Variants in ZC3H7A observed in about 807,000 individuals in gnomAD.
ZC3H7A encodes zinc finger CCCH-type containing 7A.
ZC3H7A carries 44 observed loss-of-function variants against 125.5 expected under a neutral mutation model. That is an observed-to-expected ratio of 0.35 (90% confidence interval 0.28 to 0.45). The LOEUF (loss-of-function observed/expected upper bound fraction) is 0.45, where lower values mean the gene tolerates loss of function less well. Ranked by LOEUF, ZC3H7A falls within the 20% of genes least tolerant of loss-of-function variation. The pLI is 1.00. For missense variants in ZC3H7A, 977 were observed against 1,170.7 expected, an observed-to-expected ratio of 0.83 and a Z score of 2.41; for synonymous variants, 399 against 391.2, an observed-to-expected ratio of 1.02 and a Z score of -0.23.
At chr16:11,796,789 C>A (rs1426693016) in intron 1 of ZC3H7A, 1 of 152,032 alleles carries the variant, frequency 6.6e-6, no homozygotes, top group African/African-American at 2.4e-5. Context: ...ATCACCAGAG[C>A]AGACAGAAAT....
chr16:11,780,918 C>T (rs778335698), intron 3 of ZC3H7A, among the ~76,000 whole-genome samples: 47 of 152,080 alleles, frequency 3.1e-4, no homozygotes, highest in Non-Finnish European at 6.0e-4. Flanking sequence ...GCTGTCAGAA[C>T]ATCTCCTAAC....
chr16:11,753,179 T>A (rs2052580126), intron 21 of ZC3H7A: 1 of 221,562 alleles, frequency 4.5e-6, no homozygotes. Flanking sequence ...GACCAGGACA[T>A]GCCAACTCCA....
chr16:11,769,094 A>T lies in ZC3H7A; in HGVS notation c.1110T>A (p.Asp370Glu). The T allele has an allele frequency of 6.2e-7, 1 of 1,603,024 alleles. No individual in the cohort carries two copies. Residue 370 changes from aspartate to glutamate, a missense_variant and splice_region_variant, in exon 11 of 23, where the codon GAT becomes GAA. Asp to Glu is a conservative substitution (Grantham distance 45). Coordinates refer to ENST00000355758, the MANE Select transcript of ZC3H7A (RefSeq NM_014153.4). ...NSFSMSESKR[D>E]LSTSTSREGT... ...CCTCTCTAGAAGTTGAGGTGGACAGATCTAAAATAATAAAAAAACTTCAAC... is the reference window on the plus strand; with the variant it reads ...CCTCTCTAGAAGTTGAGGTGGACAGTTCTAAAATAATAAAAAAACTTCAAC...
intron 13 of ZC3H7A, among the ~76,000 whole-genome samples, chr16:11,766,112 T>C (rs1363264873): frequency 6.7e-6 from 1 of 150,210 alleles, no homozygotes; most frequent in Non-Finnish European, 1.5e-5. Context: ...AAAAAAAAAA[T>C]CATTTAGGGA....
At chr16:11,756,438 A>AT in intron 20 of ZC3H7A, 68 bp from the exon 21 acceptor site, 1 of 1,572,060 alleles carries the variant, frequency 6.4e-7, no homozygotes, top group East Asian at 2.2e-5. Flanking sequence ...AACTATGTGC[A>AT]TATTTTGTAG....
At chr16:11,788,610 T>C (rs1005262579) in intron 1 of ZC3H7A, among the ~76,000 whole-genome samples, 3 of 149,472 alleles carry the variant, frequency 2.0e-5, no homozygotes, top group African/African-American at 7.6e-5. Flanking sequence ...TTTCTTTTTT[T>C]TCTTTCTTTT....
At chr16:11,771,927 G>A (rs2052990107) in intron 9 of ZC3H7A, among the ~76,000 whole-genome samples, 1 of 151,994 alleles carries the variant, frequency 6.6e-6, no homozygotes, top group Non-Finnish European at 1.5e-5. Context: ...GGGCATGGTG[G>A]CTCACACCTG....
At chr16:11,768,978 G>C in intron 11 of ZC3H7A, 53 bp downstream of exon 11, 5 of 1,524,532 alleles carry the variant, frequency 3.3e-6, no homozygotes, top group Non-Finnish European at 4.5e-6. Flanking sequence ...GGTTACTTAA[G>C]TAACTATTTT....
intron 1 of ZC3H7A, among the ~76,000 whole-genome samples, chr16:11,787,985 G>C (rs1245917598): frequency 6.6e-6 from 1 of 151,420 alleles, no homozygotes; most frequent in African/African-American, 2.4e-5. Context: ...ACAGGTGTGA[G>C]CCCCCTCGTC....
At chr16:11,791,806 A>T (rs542972989) in intron 1 of ZC3H7A, among the ~76,000 whole-genome samples, 1 of 152,326 alleles carries the variant, frequency 6.6e-6, no homozygotes, top group African/African-American at 2.4e-5. Flanking sequence ...ACAGCGACGG[A>T]AAAAAACCTG....
chr16:11,752,798 C>T lies in ZC3H7A; in HGVS notation c.2597G>A (p.Cys866Tyr). ...DFHCWMCGKN[C>Y]NSEKQWQGHI... is the part of the protein sequence containing the mutation. The stretch of plus-strand genomic sequence containing the variant: ...GCCCTGCCACTGCTTCTCACTGTTG[C>T]AGTTTTTCCCACACATCCAGCAGTG... The change falls in exon 22 of 23, where the codon TGC (cysteine) becomes TAC (tyrosine). Residue 866 changes from cysteine to tyrosine, a missense_variant. Transcript: ENST00000355758. The T allele has an allele frequency of 6.2e-7, 1 of 1,613,498 alleles. No homozygotes were observed. Among genetic ancestry groups the T allele is most frequent in the Non-Finnish European group, 8.5e-7 (1 of 1,179,880 alleles).
In ZC3H7A at chr16:11,779,945, T is replaced by C. The variant is rs143822719; in HGVS notation, c.109-582A>G. Among the ~76,000 whole-genome samples the C allele has an allele frequency of 5.9e-5, 9 of 152,244 alleles. No individual in the cohort carries two copies. The East Asian group carries it at 9.6e-4, about 16-fold the overall frequency. The stretch of plus-strand genomic sequence containing the variant: ...AGTGAAGTTGAACTATTCCACATTT[T>C]TACGGACCCCTTGTATTTCTTTTTC... On this transcript the variant is annotated intron_variant, in intron 3 of 22. Coordinates refer to ENST00000355758, the MANE Select transcript of ZC3H7A (RefSeq NM_014153.4).
At position 11,767,524 on chromosome 16, in the gene ZC3H7A, T is replaced by G. The variant is rs1254206032; in HGVS notation, c.1415A>C (p.Lys472Thr). ...YHANIDHKCKKDILIGRIKNV... is the reference protein window; with the variant it reads ...YHANIDHKCKTDILIGRIKNV... Reference sequence around the variant, plus strand: ...CTTTATCCTACCGATTAAAATATCTTTCTTACACTTATGATCTATGTTAGC... The same window carrying G: ...CTTTATCCTACCGATTAAAATATCTGTCTTACACTTATGATCTATGTTAGC... Residue 472 changes from lysine (K) to threonine (T), a missense_variant, in exon 13 of 23, where the codon AAA becomes ACA. By Grantham distance (78) the Lys-to-Thr change is moderately conservative. Around this residue, in one of 3 missense-constraint regions of ZC3H7A, gnomAD observed 342 missense variants for 311.3 expected, o/e 1.10. Coordinates refer to ENST00000355758, the MANE Select transcript of ZC3H7A (RefSeq NM_014153.4). 6.2e-7 allele frequency: 1 copy of G among 1,612,460 alleles called. No individual in the cohort carries two copies. Among genetic ancestry groups the G allele is most frequent in the Non-Finnish European group, 8.5e-7 (1 of 1,179,210 alleles).
chr16:11,776,661 G>C (rs1166626071), intron 5 of ZC3H7A, 90 bp downstream of exon 5: 3 of 1,516,148 alleles, frequency 2.0e-6, no homozygotes, highest in Non-Finnish European at 8.8e-7. Flanking sequence ...GAAGCAGGTT[G>C]ATGGATGACT....
intron 16 of ZC3H7A, chr16:11,762,995 C>CA: frequency 2.5e-6 from 1 of 400,814 alleles, no homozygotes. Flanking sequence ...TAATTAATGA[C>CA]ATGAGAACAC....
rs148153782 is a variant in ZC3H7A, at chr16:11,780,122, C to G, written c.109-759G>C. Among the ~76,000 whole-genome samples the G allele has an allele frequency of 3.6e-3, 504 of 138,700 alleles. 3 individuals carry two copies. Among genetic ancestry groups the G allele is most frequent in the African/African-American group, 0.014 (457 of 33,794 alleles). 91.0% of individuals were successfully genotyped at this position (138,700 alleles called of 152,430 possible). Reference sequence around the variant, plus strand: ...ACGCTTTAGTTTAGTTCTTTTTTTTCTTTTCTTTTTTTTTTTTGAGACAGA... The same window carrying G: ...ACGCTTTAGTTTAGTTCTTTTTTTTGTTTTCTTTTTTTTTTTTGAGACAGA... On this transcript the variant is annotated intron_variant, in intron 3 of 22. Transcript: ENST00000355758.
intron 21 of ZC3H7A, among the ~76,000 whole-genome samples, chr16:11,754,291 C>CAAAA (rs71136680): frequency 3.4e-4 from 16 of 46,544 alleles, no homozygotes; most frequent in African/African-American, 1.4e-3. Flanking sequence ...GACCCTGTCT[C>CAAAA]AAAAAAAAAA....
chr16:11,764,806 A>G (rs1031167837), intron 15 of ZC3H7A, among the ~76,000 whole-genome samples: 2 of 152,224 alleles, frequency 1.3e-5, no homozygotes, highest in African/African-American at 4.8e-5. Flanking sequence ...GCCATAAAAT[A>G]CCTAAATCCA....
At chr16:11,789,011 C>CAT (rs1318969462) in intron 1 of ZC3H7A, among the ~76,000 whole-genome samples, 4 of 152,118 alleles carry the variant, frequency 2.6e-5, no homozygotes, top group African/African-American at 9.7e-5. Flanking sequence ...CACACACACA[C>CAT]ATACACACAC....
Sources: gnomAD v4.1 joint callset for allele counts (sites outside exome capture counted in the v4.1 genomes callset) on GRCh38, gnomAD v4.1.1 for gene constraint, gnomAD v4.1.1 regional missense constraint, MANE v1.5 for transcripts, NCBI Gene and HGNC (gene_info 2026-07-23, HGNC 2026-07-21) for gene names.